Variants in KLF8 observed in about 807,000 individuals in gnomAD.
KLF8 encodes the protein Krueppel-like factor 8.
KLF8 carries 10 observed loss-of-function variants against 18.2 expected under a neutral mutation model. The ratio of observed to expected loss-of-function variants is 0.55; its 90% CI spans 0.34 to 0.93. The LOEUF (loss-of-function observed/expected upper bound fraction) is 0.93, where lower values mean the gene tolerates loss of function less well. Among genes scored for constraint, KLF8 ranks in the 40% least tolerant of loss-of-function variants. The pLI is 0.02. For missense variants in KLF8, 264 were observed against 277.9 expected, an observed-to-expected ratio of 0.95 and a Z score of 0.36; for synonymous variants, 109 against 97.3, an observed-to-expected ratio of 1.12 and a Z score of -0.71.
the KLF8 span, among the ~76,000 whole-genome samples, chrX:55,917,157 G>T: frequency 8.9e-6 from 1 of 112,135 alleles, no homozygotes; most frequent in Non-Finnish European, 1.9e-5. Context: ...ACTTCCTCAA[G>T]CTAAGAGTTG....
At chrX:56,137,336 C>T in the KLF8 span, among the ~76,000 whole-genome samples, 92 of 107,134 alleles carry the variant, frequency 8.6e-4, no homozygotes, top group African/African-American at 3.1e-3. Flanking sequence ...TTCACAATAG[C>T]AAAGACTTGG....
chrX:56,259,585 A>G (rs947523985), intron 2 of KLF8, among the ~76,000 whole-genome samples: 3 of 110,334 alleles, frequency 2.7e-5, no homozygotes, highest in African/African-American at 9.9e-5. Context: ...ACTGTCTCGA[A>G]TCTCTAGTGA....
At chrX:56,129,142 A>G in the KLF8 span, among the ~76,000 whole-genome samples, 1 of 112,134 alleles carries the variant, frequency 8.9e-6, no homozygotes, top group African/African-American at 3.2e-5. Flanking sequence ...TCTCTGTTAT[A>G]TCTGAAAAAA....
At chrX:56,053,714 T>G in the KLF8 span, among the ~76,000 whole-genome samples, 1 of 110,254 alleles carries the variant, frequency 9.1e-6, no homozygotes, top group Non-Finnish European at 1.9e-5. Context: ...GAGATTCAAT[T>G]ATTTCCTGGT....
At chrX:55,938,588 T>G in the KLF8 span, among the ~76,000 whole-genome samples, 4 of 110,878 alleles carry the variant, frequency 3.6e-5, no homozygotes, top group Non-Finnish European at 7.6e-5. Flanking sequence ...GCAAATTGGA[T>G]AAAGAGTCAA....
chrX:55,917,770 C>T, the KLF8 span, among the ~76,000 whole-genome samples: 1 of 111,691 alleles, frequency 9.0e-6, no homozygotes, highest in Non-Finnish European at 1.9e-5. Context: ...ACTGTGTTAG[C>T]CCTGTATAAA....
chrX:56,169,300 CT>C, the KLF8 span, among the ~76,000 whole-genome samples: 1 of 111,546 alleles, frequency 9.0e-6, no homozygotes, highest in African/African-American at 3.3e-5. Context: ...ACTCTTTTTG[CT>C]TGATAAAGGT....
chrX:56,142,321 T>C, the KLF8 span, among the ~76,000 whole-genome samples: 1 of 111,486 alleles, frequency 9.0e-6, no homozygotes, highest in East Asian at 2.8e-4. Flanking sequence ...TTTTAGTCAT[T>C]CATTTTCTTG....
chrX:56,044,167 C>G, the KLF8 span, among the ~76,000 whole-genome samples: 1 of 110,950 alleles, frequency 9.0e-6, no homozygotes. Context: ...AAGATGGCAG[C>G]CAGCTCCTTC....
the KLF8 span, among the ~76,000 whole-genome samples, chrX:56,093,994 T>C: frequency 2.5e-4 from 27 of 107,698 alleles, no homozygotes; most frequent in Non-Finnish European, 2.1e-4. Flanking sequence ...AATGGAATTA[T>C]ATAAAGTGTT....
the KLF8 span, among the ~76,000 whole-genome samples, chrX:56,203,848 G>A: frequency 9.0e-6 from 1 of 111,349 alleles, no homozygotes. Flanking sequence ...TTTGAAGTCA[G>A]GTAATGTGAT....
At chrX:56,050,011 C>T in the KLF8 span, among the ~76,000 whole-genome samples, 2 of 111,211 alleles carry the variant, frequency 1.8e-5, no homozygotes, top group Non-Finnish European at 3.8e-5. Flanking sequence ...TGTATGTGTC[C>T]AGGAATTTAC....
chrX:56,284,199 T>C, intron 5 of KLF8, 114 bp from the exon 6 acceptor site: 2 of 548,825 alleles, frequency 3.6e-6, no homozygotes, highest in Non-Finnish European at 5.5e-6. Flanking sequence ...GCCTTCAAGG[T>C]TATTGCCTAG....
chrX:55,947,890 A>G, the KLF8 span, among the ~76,000 whole-genome samples: 1 of 112,516 alleles, frequency 8.9e-6, no homozygotes. Context: ...TTCTAGAAAC[A>G]TAACTTTTTC....
the KLF8 span, among the ~76,000 whole-genome samples, chrX:56,089,249 G>A: frequency 2.7e-5 from 3 of 111,425 alleles, no homozygotes; most frequent in Non-Finnish European, 5.7e-5. Flanking sequence ...GGAAAGAAAG[G>A]CAAAGTAATT....
chrX:56,026,464 A>G, the KLF8 span, among the ~76,000 whole-genome samples: 1 of 111,884 alleles, frequency 8.9e-6, no homozygotes, highest in South Asian at 3.7e-4. Flanking sequence ...ACTTTGTAAG[A>G]GGAGTATCCT....
At chrX:56,158,332 C>T in the KLF8 span, among the ~76,000 whole-genome samples, 1 of 111,756 alleles carries the variant, frequency 8.9e-6, no homozygotes, top group African/African-American at 3.3e-5. Context: ...GTGATGCCTC[C>T]AGCTTTGTTC....
chrX:56,228,584 T>C (rs2066383306), upstream of KLF8, among the ~76,000 whole-genome samples: 1 of 112,319 alleles, frequency 8.9e-6, no homozygotes. Flanking sequence ...GCAATCTAAA[T>C]CATTGTTTTA....
At chrX:56,258,066 A>G (rs1340040321) in intron 2 of KLF8, among the ~76,000 whole-genome samples, 1 of 112,180 alleles carries the variant, frequency 8.9e-6, no homozygotes, top group Non-Finnish European at 1.9e-5. Context: ...TTGATGTCCC[A>G]TTTACCTTAA....
Sources: allele counts gnomAD v4.1 joint callset (sites outside exome capture counted in the v4.1 genomes callset), GRCh38; gene constraint gnomAD v4.1.1; transcripts MANE v1.5; gene names NCBI Gene and HGNC (gene_info 2026-07-23, HGNC 2026-07-21).